SDK1: variants seen among roughly 807,000 people sequenced by gnomAD.
The protein encoded by SDK1 is sidekick cell adhesion molecule 1.
SDK1 carries 157 observed loss-of-function variants against 245.5 expected under a neutral mutation model. The observed-to-expected ratio is 0.64, with a 90% CI of 0.56 to 0.73. SDK1 has a LOEUF of 0.73. Ranked by LOEUF, SDK1 falls within the 30% of genes least tolerant of loss-of-function variation. The pLI, the probability that SDK1 is intolerant of heterozygous loss-of-function variation, is 0.00. For synonymous variants in SDK1, 1,647 were observed against 1,278.5 expected (o/e 1.29, Z -6.15); for missense variants, 3,583 against 3,002.3 (o/e 1.19, Z -4.52).
chr7:3,944,820 C>G (rs929717147), intron 5 of SDK1, among the ~76,000 whole-genome samples: 1 of 152,170 alleles, frequency 6.6e-6, no homozygotes, highest in African/African-American at 2.4e-5. Flanking sequence ...AGAACAAACA[C>G]CCAGAAAGCA....
At chr7:3,718,872 A>C (rs893670150) in intron 4 of SDK1, among the ~76,000 whole-genome samples, 1 of 152,226 alleles carries the variant, frequency 6.6e-6, no homozygotes, top group African/African-American at 2.4e-5. Flanking sequence ...CTTCATTGAA[A>C]ATCCAAAGGA....
Position 3,743,515 on chromosome 7 carries a change from C to A in SDK1, c.714-77935C>A, listed in dbSNP as rs558404215. On this transcript the variant is annotated intron_variant, in intron 4 of 44. Coordinates refer to ENST00000404826, the MANE Select transcript of SDK1 (RefSeq NM_152744.4). ...GCAGCCCCTGAGAAAATAAGAGTCTCTAACAAAATGCACTTATACCCTCCA... is the reference window on the plus strand; with the variant it reads ...GCAGCCCCTGAGAAAATAAGAGTCTATAACAAAATGCACTTATACCCTCCA... Among the ~76,000 whole-genome samples, 8 of 152,248 alleles carry A rather than the reference C, an allele frequency of 5.3e-5. 1 individual carries two copies. Among genetic ancestry groups the A allele is most frequent in the African/African-American group, 1.9e-4 (8 of 41,538 alleles).
At chr7:4,259,390 G>A (rs1298831986) in intron 44 of SDK1, among the ~76,000 whole-genome samples, 1 of 152,186 alleles carries the variant, frequency 6.6e-6, no homozygotes, top group Non-Finnish European at 1.5e-5. Context: ...AGCCAAGATC[G>A]TACCACTGCA....
intron 5 of SDK1, among the ~76,000 whole-genome samples, chr7:3,853,824 A>G (rs368001540): frequency 1.3e-5 from 2 of 152,016 alleles, no homozygotes; most frequent in East Asian, 3.9e-4. Context: ...CCTCCTCTCT[A>G]CTAAAAATAC....
chr7:4,263,599 C>G (rs1369324932), intron 44 of SDK1, among the ~76,000 whole-genome samples: 3 of 36,856 alleles, frequency 8.1e-5, no homozygotes, highest in Non-Finnish European at 1.0e-4. Context: ...CCGCGTAGAC[C>G]TCTCCTGAGT....
chr7:3,568,308 T>G (rs1485550390), intron 1 of SDK1, among the ~76,000 whole-genome samples: 2 of 152,170 alleles, frequency 1.3e-5, no homozygotes, highest in African/African-American at 4.8e-5. Context: ...TACTCTAATG[T>G]CCCAGCCTCC....
In SDK1 at chr7:4,139,743, G is replaced by A. The variant is rs1249060000; in HGVS notation, c.4229-5979G>A. 2.3e-5 allele frequency among the ~76,000 whole-genome samples: 3 copies of A among 129,130 alleles called. No homozygotes were observed. The Admixed American group carries it at 2.5e-4, about 11-fold the overall frequency. The allele number at this position is 129,130 out of a possible 152,430, so 84.7% of individuals were successfully genotyped here. ...TGTATGTGTGTGTGTGTGTATGTGT[G>A]TGTGTGTGTGTGTGTATAATCTTGA... is the stretch of plus-strand genomic sequence containing the variant. On this transcript the variant is annotated intron_variant, in intron 28 of 44. Coordinates refer to ENST00000404826, the MANE Select transcript of SDK1 (RefSeq NM_152744.4).
chr7:3,781,736 A>G (rs548285378), intron 4 of SDK1, among the ~76,000 whole-genome samples: 4 of 152,210 alleles, frequency 2.6e-5, no homozygotes, highest in Non-Finnish European at 5.9e-5. Context: ...CAATAAAAAA[A>G]AACAAATCTT....
intron 35 of SDK1, among the ~76,000 whole-genome samples, chr7:4,195,846 C>G (rs775740900): frequency 6.6e-6 from 1 of 152,160 alleles, no homozygotes; most frequent in South Asian, 2.1e-4. Context: ...GCAGCAGCCA[C>G]GGTGGCAACA....
intron 36 of SDK1, among the ~76,000 whole-genome samples, chr7:4,207,590 G>C (rs896506528): frequency 6.6e-6 from 1 of 152,140 alleles, no homozygotes; most frequent in African/African-American, 2.4e-5. Flanking sequence ...GGAAAACTTA[G>C]ATGTCGGCTC....
At position 3,936,038 on chromosome 7, in the gene SDK1, C is replaced by G. The variant is rs368115916; in HGVS notation, c.848-14885C>G. On this transcript the variant is annotated intron_variant, in intron 5 of 44. Transcript: ENST00000404826. ...ATAAACTCAATAGAGTCCACCCACA[C>G]AGTGGAATACGATTCATTCTTGAAA... Among the ~76,000 whole-genome samples the G allele has an allele frequency of 1.3e-4, 20 of 152,316 alleles. No individual in the cohort carries two copies. In the South Asian group the frequency reaches 2.3e-3, roughly 17 times the overall value.
intron 4 of SDK1, among the ~76,000 whole-genome samples, chr7:3,810,460 G>A (rs1201942439): frequency 6.6e-6 from 1 of 152,000 alleles, no homozygotes; most frequent in African/African-American, 2.4e-5. Context: ...ACCACACCAG[G>A]AATTTGGCAT....
intron 5 of SDK1, among the ~76,000 whole-genome samples, chr7:3,834,089 A>G (rs567100884): frequency 6.6e-6 from 1 of 152,182 alleles, no homozygotes; most frequent in Non-Finnish European, 1.5e-5. Context: ...AGCCTACACC[A>G]TTTTCAATGT....
At chr7:3,998,639 G>A (rs1387516522) in intron 14 of SDK1, among the ~76,000 whole-genome samples, 2 of 152,152 alleles carry the variant, frequency 1.3e-5, no homozygotes, top group African/African-American at 4.8e-5. Flanking sequence ...ATGACTCTAG[G>A]TTCCCCAGCC....
intron 5 of SDK1, among the ~76,000 whole-genome samples, chr7:3,929,165 G>A (rs911960920): frequency 6.6e-5 from 10 of 152,176 alleles, no homozygotes; most frequent in African/African-American, 1.2e-4. Context: ...TTGGTTAAAC[G>A]GTTATCTGAA....
intron 44 of SDK1, among the ~76,000 whole-genome samples, chr7:4,253,892 A>C (rs13226493): frequency 0.2 from 30,197 of 152,078 alleles, 3,305 homozygotes; most frequent in Non-Finnish European, 0.25. Context: ...TCGTATCTTT[A>C]TTCCCTATTT....
intron 4 of SDK1, among the ~76,000 whole-genome samples, chr7:3,658,468 C>A (rs920355541): frequency 3.0e-4 from 46 of 151,502 alleles, no homozygotes; most frequent in African/African-American, 1.1e-3. Flanking sequence ...TCTTTTAGTT[C>A]ATCTCATGTA....
chr7:3,697,169 GGTTT>G (rs1784599897), intron 4 of SDK1, among the ~76,000 whole-genome samples: 4 of 152,180 alleles, frequency 2.6e-5, no homozygotes, highest in Admixed American at 2.6e-4. Context: ...TCCCATGCTA[GGTTT>G]GTTTATCTTA....
At chr7:4,069,803 G>C (rs1057347805) in intron 20 of SDK1, among the ~76,000 whole-genome samples, 1 of 152,202 alleles carries the variant, frequency 6.6e-6, no homozygotes, top group Non-Finnish European at 1.5e-5. Context: ...GTGGGATCTC[G>C]TTTTGCTTTC....
Sources: allele counts gnomAD v4.1 joint callset (sites outside exome capture counted in the v4.1 genomes callset), GRCh38; gene constraint gnomAD v4.1.1; transcripts MANE v1.5; gene names NCBI Gene and HGNC (gene_info 2026-07-23, HGNC 2026-07-21).